HAPSTR1: variants seen among roughly 807,000 people sequenced by gnomAD.
HAPSTR1 encodes the protein HUWE1 associated protein modifying stress responses, also known as HUWE1-associated protein modifying stress responses 1.
At chr16:9,119,677 A>T in the HAPSTR1 span, 2 of 152,278 alleles carry the variant, frequency 1.3e-5, no homozygotes, top group Non-Finnish European at 2.9e-5. Context: ...TAATCATAAA[A>T]TGAATAAAAA....
At chr16:9,116,754 C>T in the HAPSTR1 span, 1 of 1,614,076 alleles carries the variant, frequency 6.2e-7, no homozygotes, top group Non-Finnish European at 8.5e-7. Flanking sequence ...GAATGCTAGT[C>T]GAAGGAGAAA....
At chr16:9,097,302 G>C in the HAPSTR1 span, among the ~76,000 whole-genome samples, 7 of 151,314 alleles carry the variant, frequency 4.6e-5, no homozygotes, top group Non-Finnish European at 8.8e-5. Context: ...GAGTGCAGTG[G>C]TGCTGTCTCA....
At chr16:9,118,887 G>A in the HAPSTR1 span, 1 of 152,478 alleles carries the variant, frequency 6.6e-6, no homozygotes, top group East Asian at 1.9e-4. Flanking sequence ...CTCTTTCCAC[G>A]TTGGATAACA....
the HAPSTR1 span, among the ~76,000 whole-genome samples, chr16:9,093,928 TA>T: frequency 6.6e-6 from 1 of 152,166 alleles, no homozygotes; most frequent in Non-Finnish European, 1.5e-5. Flanking sequence ...TTCAGACTTT[TA>T]AAAGTTGCTC....
the HAPSTR1 span, chr16:9,103,000 T>C: frequency 1.2e-6 from 2 of 1,613,956 alleles, no homozygotes; most frequent in African/African-American, 2.7e-5. Context: ...TGGATACCCA[T>C]CAACGAAGTT....
chr16:9,097,736 C>T, the HAPSTR1 span, among the ~76,000 whole-genome samples: 2 of 152,220 alleles, frequency 1.3e-5, no homozygotes, highest in South Asian at 4.1e-4. Context: ...AGGCTGGCTT[C>T]ATTATGTTGG....
chr16:9,116,549 C>T, the HAPSTR1 span: 1 of 1,300,526 alleles, frequency 7.7e-7, no homozygotes, highest in African/African-American at 1.5e-5. Flanking sequence ...TACTAGTAAT[C>T]CCTTATAAAG....
chr16:9,100,721 GGC>G, the HAPSTR1 span, among the ~76,000 whole-genome samples: 1 of 152,094 alleles, frequency 6.6e-6, no homozygotes, highest in Non-Finnish European at 1.5e-5. Flanking sequence ...TTTTAGTAGA[GGC>G]GGGGTTTTGC....
the HAPSTR1 span, among the ~76,000 whole-genome samples, chr16:9,097,949 G>A: frequency 6.6e-6 from 1 of 152,186 alleles, no homozygotes; most frequent in Non-Finnish European, 1.5e-5. Flanking sequence ...TCGAAACATG[G>A]TTGCTATCTA....
At chr16:9,103,339 G>A in the HAPSTR1 span, 1 of 1,430,442 alleles carries the variant, frequency 7.0e-7, no homozygotes. Context: ...TTAGGTTTAG[G>A]TCCAGATATA....
At chr16:9,095,491 A>T in the HAPSTR1 span, among the ~76,000 whole-genome samples, 1 of 152,180 alleles carries the variant, frequency 6.6e-6, no homozygotes, top group South Asian at 2.1e-4. Context: ...AGCAGGCAGC[A>T]TTCCTGTATT....
chr16:9,111,299 G>C, the HAPSTR1 span: 1 of 152,290 alleles, frequency 6.6e-6, no homozygotes, highest in African/African-American at 2.4e-5. Flanking sequence ...TGTGTCTAAA[G>C]ACCTTTTGGA....
chr16:9,093,028 A>G, the HAPSTR1 span: 1 of 1,594,310 alleles, frequency 6.3e-7, no homozygotes, highest in Admixed American at 1.7e-5. Flanking sequence ...TGCATTGCCG[A>G]TTCAGGGAAG....
At chr16:9,093,083 T>C in the HAPSTR1 span, 136 of 1,338,612 alleles carry the variant, frequency 1.0e-4, no homozygotes, top group Non-Finnish European at 1.4e-4. Flanking sequence ...AAGTGTGTTT[T>C]CTGCTCCCCA....
the HAPSTR1 span, chr16:9,092,878 C>T: frequency 8.5e-5 from 127 of 1,496,192 alleles, no homozygotes; most frequent in African/African-American, 3.8e-4. Context: ...ATGTGTGTTT[C>T]TTTTTTCTTT....
chr16:9,102,936 G>A, the HAPSTR1 span: 1 of 1,576,092 alleles, frequency 6.3e-7, no homozygotes. Context: ...AGGGAATACG[G>A]GCTCTAATGG....
chr16:9,107,948 A>C, the HAPSTR1 span: 1 of 147,528 alleles, frequency 6.8e-6, no homozygotes. Context: ...GTTATCACAG[A>C]GGTCTGCTAA....
the HAPSTR1 span, chr16:9,102,972 T>C: frequency 6.2e-7 from 1 of 1,609,754 alleles, no homozygotes. Flanking sequence ...TCTTTTTCTT[T>C]TTTTCTAACA....
the HAPSTR1 span, chr16:9,103,372 C>CA: frequency 8.9e-7 from 1 of 1,128,012 alleles, no homozygotes; most frequent in Non-Finnish European, 1.2e-6. Flanking sequence ...TTACAGTAAA[C>CA]AGCTTGCTCT....
Sources: gnomAD v4.1 joint callset for allele counts (sites outside exome capture counted in the v4.1 genomes callset) on GRCh38, gnomAD v4.1.1 for gene constraint, MANE v1.5 for transcripts, NCBI Gene and HGNC (gene_info 2026-07-23, HGNC 2026-07-21) for gene names.